Variants in MTHFD2 observed in about 807,000 individuals in gnomAD.
MTHFD2 encodes the protein methylenetetrahydrofolate dehydrogenase (NADP+ dependent) 2, methenyltetrahydrofolate cyclohydrolase.
A neutral mutation model predicts 36.8 loss-of-function variants in MTHFD2; 26 were observed. The observed-to-expected ratio is 0.71, with a 90% confidence interval of 0.52 to 0.98. MTHFD2 has a LOEUF of 0.98. Among genes scored for constraint, MTHFD2 ranks in the 50% least tolerant of loss-of-function variants. The probability of loss-of-function intolerance (pLI) is 0.00; values close to 1 mark genes in which losing one functional copy is unlikely to be tolerated. For missense variants in MTHFD2, 373 were observed against 434.0 expected, an observed-to-expected ratio of 0.86 and a Z score of 1.25; for synonymous variants, 164 against 155.2, an observed-to-expected ratio of 1.06 and a Z score of -0.42.
rs1171884429 is a variant in MTHFD2, at chr2:74,207,692, T to G, written c.287-12T>G. 6.3e-7 allele frequency: 1 copy of G among 1,591,018 alleles called. No homozygotes were observed. Among genetic ancestry groups the G allele is most frequent in the East Asian group, 2.2e-5 (1 of 44,454 alleles). On this transcript the variant is annotated splice_polypyrimidine_tract_variant and intron_variant, in intron 2 of 7. Coordinates refer to ENST00000394053, the MANE Select transcript of MTHFD2 (RefSeq NM_006636.4). The stretch of plus-strand genomic sequence containing the variant: ...TCAAAAATTTTTTTAACCTCAAAAT[T>G]TCTTATAATAGGAATCAACAGTGAG...
Position 74,215,301 on chromosome 2 carries a change from C to G in MTHFD2, c.*1059C>G, listed in dbSNP as rs1572992830. The G allele has an allele frequency of 6.6e-6, 1 of 152,384 alleles. No individual in the cohort carries two copies. Among genetic ancestry groups the G allele is most frequent in the East Asian group, 1.9e-4 (1 of 5,190 alleles). The allele number at this position is 152,384 out of a possible 1,614,324, so 9.4% of individuals were successfully genotyped here. A position where few individuals can be genotyped will look rare whatever the true frequency, so the allele number is the denominator to read the frequency against. ...TGGTATGGTATGAATTTCTGAAATT[C>G]TGTCTTCCTATGACTCCTAGTTGTG... On this transcript the variant is annotated 3_prime_UTR_variant, in exon 8 of 8. Transcript: ENST00000394053.
chr2:74,203,635 AT>A (rs1457452275), intron 1 of MTHFD2, among the ~76,000 whole-genome samples: 2 of 152,182 alleles, frequency 1.3e-5, no homozygotes, highest in African/African-American at 2.4e-5. Flanking sequence ...CTCAAAAAAA[AT>A]AAATAAATAA....
intron 1 of MTHFD2, among the ~76,000 whole-genome samples, chr2:74,203,840 CATCTA>C (rs1192734961): frequency 4.0e-4 from 52 of 128,474 alleles, no homozygotes; most frequent in African/African-American, 5.3e-4. Context: ...AAGAGATGCT[CATCTA>C]GTTTAGTTTA....
chr2:74,214,270 C>A lies in MTHFD2; in HGVS notation c.*28C>A. On this transcript the variant is annotated 3_prime_UTR_variant, in exon 8 of 8. Coordinates refer to ENST00000394053, the MANE Select transcript of MTHFD2 (RefSeq NM_006636.4). ...ACTGTGTCTTCTGTGTCACAAACAG[C>A]ACTCCAGGCCAGCTCAAGAAGCAAA... The A allele has an allele frequency of 1.3e-6, 2 of 1,598,266 alleles. No individual in the cohort carries two copies. Among genetic ancestry groups the A allele is most frequent in the Non-Finnish European group, 8.5e-7 (1 of 1,172,558 alleles).
intron 1 of MTHFD2, among the ~76,000 whole-genome samples, chr2:74,200,534 G>A (rs1694018438): frequency 6.6e-6 from 1 of 151,242 alleles, no homozygotes. Context: ...TTAAAAATAT[G>A]AGTCTGCATT....
At chr2:74,200,351 C>T (rs188252878) in intron 1 of MTHFD2, among the ~76,000 whole-genome samples, 1 of 152,120 alleles carries the variant, frequency 6.6e-6, no homozygotes, top group Non-Finnish European at 1.5e-5. Context: ...GCTCTTTTCA[C>T]TACCTTTCTG....
At position 74,211,824 on chromosome 2, in the gene MTHFD2, G is replaced by C. The variant is rs753684491; in HGVS notation, c.847G>C (p.Val283Leu). 1 of 1,611,080 alleles carries C rather than the reference G, an allele frequency of 6.2e-7. No individual in the cohort carries two copies. Among genetic ancestry groups the C allele is most frequent in the East Asian group, 2.2e-5 (1 of 44,774 alleles). The stretch of plus-strand genomic sequence containing the variant: ...GGGAATAAATAGAGTTCACGATCCT[G>C]TAACTGCCAAACCCAAGTTGGTTGG... ...DVGINRVHDPVTAKPKLVGDV... is the reference protein window; with the variant it reads ...DVGINRVHDPLTAKPKLVGDV... The change falls in exon 7 of 8, where the codon GTA (valine) becomes CTA (leucine). Residue 283 changes from valine (V) to leucine (L), a missense_variant. Transcript: ENST00000394053.
Position 74,205,735 on chromosome 2 carries a change from A to G in MTHFD2, c.132A>G (p.Lys44=), listed in dbSNP as rs1028914547. 4 of 1,613,654 alleles carry G rather than the reference A, an allele frequency of 2.5e-6. No individual in the cohort carries two copies. Among genetic ancestry groups the G allele is most frequent in the Admixed American group, 1.7e-5 (1 of 59,930 alleles). The change falls in exon 2 of 8, where the codon AAA becomes AAG. Residue 44 remains lysine, a synonymous_variant. Transcript: ENST00000394053. ...AAGCTGTTGTCATTTCTGGAAGGAAACTGGCCCAGCAGATCAAGCAGGAAG... is the reference window on the plus strand; with the variant it reads ...AAGCTGTTGTCATTTCTGGAAGGAAGCTGGCCCAGCAGATCAAGCAGGAAG... The part of the protein sequence containing the change: ...RNEAVVISGR[K]LAQQIKQEVR...
At chr2:74,203,908 T>TC (rs1303001339) in intron 1 of MTHFD2, among the ~76,000 whole-genome samples, 1 of 67,190 alleles carries the variant, frequency 1.5e-5, no homozygotes, top group Non-Finnish European at 3.3e-5. Flanking sequence ...TTAGTTTAGT[T>TC]AGTTTAGTTT....
intron 1 of MTHFD2, 77 bp from the exon 2 acceptor site, chr2:74,205,628 G>A (rs1296079393): frequency 6.7e-7 from 1 of 1,488,036 alleles, no homozygotes; most frequent in Non-Finnish European, 9.1e-7. Flanking sequence ...ACAGGCATAA[G>A]CCACTACACC....
chr2:74,216,250 C>A lies in MTHFD2; in HGVS notation c.*2008C>A, dbSNP rs1463462050. The A allele has an allele frequency of 6.6e-6, 1 of 152,148 alleles. No homozygotes were observed. Among genetic ancestry groups the A allele is most frequent in the Admixed American group, 6.5e-5 (1 of 15,282 alleles). 9.4% of individuals were successfully genotyped at this position (152,148 alleles called of 1,614,324 possible). ...TTAAATGTGGAGCAAGATGACCAGA[C>A]AGGATTAAATTTTATTGAATTACAG... On this transcript the variant is annotated 3_prime_UTR_variant, in exon 8 of 8. Transcript: ENST00000394053.
chr2:74,207,887 C>CCT, intron 3 of MTHFD2, 61 bp downstream of exon 3: 1 of 1,496,256 alleles, frequency 6.7e-7, no homozygotes, highest in Non-Finnish European at 9.1e-7. Flanking sequence ...CCTCTCCCTC[C>CCT]CTCTCTCTCT....
intron 7 of MTHFD2, among the ~76,000 whole-genome samples, chr2:74,213,058 C>T (rs762507210): frequency 5.3e-5 from 8 of 151,856 alleles, no homozygotes; most frequent in African/African-American, 9.7e-5. Flanking sequence ...ACATGAGCCA[C>T]CATGCCGGCT....
rs113105768 is a variant in MTHFD2, at chr2:74,211,305, G to C, written c.763+14G>C. The C allele has an allele frequency of 6.5e-7, 1 of 1,533,354 alleles. No homozygotes were observed. 95.0% of individuals were successfully genotyped at this position (1,533,354 alleles called of 1,614,324 possible). A position where few individuals can be genotyped will look rare whatever the true frequency, so the allele number is the denominator to read the frequency against. ...TATCTGCTGCAGGTAAGAACACAAG[G>C]GGGATGGAGGGAAGGACTTCACCTC... On this transcript the variant is annotated intron_variant, in intron 6 of 7. Transcript: ENST00000394053.
chr2:74,215,376 A>C lies in MTHFD2; in HGVS notation c.*1134A>C, dbSNP rs181143438. 3 of 151,544 alleles carry C rather than the reference A, an allele frequency of 2.0e-5. No individual in the cohort carries two copies. Among genetic ancestry groups the C allele is most frequent in the Admixed American group, 2.0e-4 (3 of 15,244 alleles). The allele number at this position is 151,544 out of a possible 1,614,324, so 9.4% of individuals were successfully genotyped here. ...AATCAATGTAGCTATTCCTATATTC[A>C]GTAACACTTACTTCTATAGCCTTAA... On this transcript the variant is annotated 3_prime_UTR_variant, in exon 8 of 8. Transcript: ENST00000394053.
At position 74,203,843 on chromosome 2, in the gene MTHFD2, C is replaced by CTATTTTATTT. The variant is rs1273238169; in HGVS notation, c.102-1860_102-1859insTTTTATTTTA. On this transcript the variant is annotated intron_variant, in intron 1 of 7. Transcript: ENST00000394053. ...TTTTACTTAAGGAAGAGATGCTCAT[C>CTATTTTATTT]TAGTTTAGTTTAGTTTAGTTTAGTT... Among the ~76,000 whole-genome samples the CTATTTTATTT allele has an allele frequency of 1.6e-3, 129 of 80,628 alleles. 4 individuals carry two copies. Among genetic ancestry groups the CTATTTTATTT allele is most frequent in the Admixed American group, 8.9e-3 (67 of 7,564 alleles). The allele number at this position is 80,628 out of a possible 152,430, so 52.9% of individuals were successfully genotyped here. A position where few individuals can be genotyped will look rare whatever the true frequency, so the allele number is the denominator to read the frequency against.
chr2:74,204,992 A>G (rs1694145056), intron 1 of MTHFD2, among the ~76,000 whole-genome samples: 1 of 151,996 alleles, frequency 6.6e-6, no homozygotes, highest in African/African-American at 2.4e-5. Flanking sequence ...CGCCCAGCTA[A>G]TTTTTGTATT....
rs1308926283 is a variant in MTHFD2 at position 74,215,949 on chromosome 2, G to C, written c.*1707G>C. ...TATCACAACAGGTTGTGCCAAGCTA[G>C]GAGCTTAATCTGTAAAATACTTGAG... On this transcript the variant is annotated 3_prime_UTR_variant, in exon 8 of 8. Transcript: ENST00000394053. 6.6e-6 allele frequency: 1 copy of C among 152,266 alleles called. No homozygotes were observed. The highest frequency in any genetic ancestry group is 1.5e-5 in the Non-Finnish European group (1 of 68,078). 9.4% of individuals were successfully genotyped at this position (152,266 alleles called of 1,614,324 possible).
chr2:74,205,931 T>TTTA, intron 2 of MTHFD2, 42 bp downstream of exon 2: 5 of 1,580,226 alleles, frequency 3.2e-6, no homozygotes, highest in Non-Finnish European at 4.3e-6. Flanking sequence ...TCAGTTGAGG[T>TTTA]TTATATGAGG....
Sources: allele counts gnomAD v4.1 joint callset (sites outside exome capture counted in the v4.1 genomes callset), GRCh38; gene constraint gnomAD v4.1.1; transcripts MANE v1.5; gene names NCBI Gene and HGNC (gene_info 2026-07-23, HGNC 2026-07-21).